Variants in LCN10 observed in about 807,000 individuals in gnomAD.
LCN10 encodes the protein epididymal-specific lipocalin-10.
LCN10 carries 18 observed loss-of-function variants against 25.1 expected under a neutral mutation model. The ratio of observed to expected loss-of-function variants is 0.72; its 90% CI spans 0.50 to 1.06. The LOEUF (loss-of-function observed/expected upper bound fraction) is 1.06. Ranked by LOEUF, LCN10 falls within the 50% of genes least tolerant of loss-of-function variation. LCN10 has a pLI of 0.00. For missense variants in LCN10, 257 were observed against 258.9 expected (o/e 0.99, Z 0.05); for synonymous variants, 130 against 116.7 (o/e 1.11, Z -0.73).
In LCN10 at chr9:136,740,251, C is replaced by T. The variant is rs989970224; in HGVS notation, c.476-203G>A. 5.0e-6 allele frequency: 3 copies of T among 595,770 alleles called. No individual in the cohort carries two copies. Among genetic ancestry groups the T allele is most frequent in the South Asian group, 3.8e-5 (2 of 53,184 alleles). The allele number at this position is 595,770 out of a possible 1,614,324, so 36.9% of individuals were successfully genotyped here. On this transcript the variant is annotated intron_variant, in intron 4 of 5. Transcript: ENST00000497771. This position sits in a 1 kb window ranked among gnomAD's most constrained non-coding sequence, Gnocchi z 5.3. ...CAGGCTCGGGAAGCCAGGGTCACCA[C>T]GCTGTCACCTGGGGAACCCTCTCTG...
chr9:136,741,374 C>G lies in LCN10; in HGVS notation c.258-13G>C. On this transcript the variant is annotated splice_polypyrimidine_tract_variant and intron_variant, in intron 2 of 5. Transcript: ENST00000497771. ...GCACCCCTTCAACCTGGGGCCAAGG[C>G]GGGGGCTCAGGCTGCAGACCAGGGA... 6.3e-7 allele frequency: 1 copy of G among 1,597,060 alleles called. No individual in the cohort carries two copies.
Position 136,739,976 on chromosome 9 carries a change from T to A in LCN10, c.548A>T (p.Lys183Met). 1 of 1,592,352 alleles carries A rather than the reference T, an allele frequency of 6.3e-7. No homozygotes were observed. The highest frequency in any genetic ancestry group is 8.6e-7 in the Non-Finnish European group (1 of 1,169,334). ...MDACDILGLS[K>M]AAVILPKDAS... ...GTCTTTCGGGAGGATGACGGCGGCCTTGGAGAGCCCCAGAATGTCACAAGC... is the reference window on the plus strand; with the variant it reads ...GTCTTTCGGGAGGATGACGGCGGCCATGGAGAGCCCCAGAATGTCACAAGC... Residue 183 changes from lysine to methionine, a missense_variant, in exon 5 of 6, where the codon AAG becomes ATG. By Grantham distance (95) the Lys-to-Met change is moderately conservative. Coordinates refer to ENST00000497771, the MANE Select transcript of LCN10 (RefSeq NM_001001712.3). The surrounding 1 kb of genome is among the most constrained non-coding windows in gnomAD (Gnocchi z 6.1).
In LCN10 at chr9:136,741,245, A is replaced by G; in HGVS notation, c.367+7T>C. On this transcript the variant is annotated splice_region_variant and intron_variant, in intron 3 of 5. Transcript: ENST00000497771. Reference sequence around the variant, plus strand: ...CAGCTCCTCCAGGGCCCAGAGCCCAAGCACACCTCCCTCCTGTCCTTCCCT... The same window carrying G: ...CAGCTCCTCCAGGGCCCAGAGCCCAGGCACACCTCCCTCCTGTCCTTCCCT... The G allele has an allele frequency of 6.2e-7, 1 of 1,612,600 alleles. No homozygotes were observed. The highest frequency in any genetic ancestry group is 2.2e-5 in the East Asian group (1 of 44,866).
chr9:136,741,487 C>T, intron 2 of LCN10, 126 bp from the exon 3 acceptor site: 1 of 692,746 alleles, frequency 1.4e-6, no homozygotes, highest in East Asian at 2.7e-5. Context: ...AGGTTGGGGC[C>T]CCAGGTCCCC....
In LCN10 at chr9:136,740,045, C is replaced by T. The variant is rs1188148545; in HGVS notation, c.479G>A (p.Arg160Lys). ...QNYKNLLLFH[R>K]QNVSSFQSLK... The stretch of plus-strand genomic sequence containing the variant: ...ACTCTGGAAGCTCGAAACATTCTGC[C>T]TATCTGAGGTTGAGATCAGGATCAC... Residue 160 changes from arginine (R) to lysine (K), a missense_variant, in exon 5 of 6, where the codon AGG becomes AAG. Arg to Lys is a conservative substitution (Grantham distance 26). Transcript: ENST00000497771. This position sits in a 1 kb window ranked among gnomAD's most constrained non-coding sequence, Gnocchi z 5.3. 1.9e-6 allele frequency: 3 copies of T among 1,564,068 alleles called. No individual in the cohort carries two copies. The highest frequency in any genetic ancestry group is 1.7e-6 in the Non-Finnish European group (2 of 1,152,514).
At position 136,740,612 on chromosome 9, in the gene LCN10, C is replaced by T. The variant is rs1846910741; in HGVS notation, c.475+224G>A. The T allele has an allele frequency of 1.8e-6, 1 of 558,180 alleles. No homozygotes were observed. The highest frequency in any genetic ancestry group is 2.9e-5 in the East Asian group (1 of 34,930). The allele number at this position is 558,180 out of a possible 1,614,324, so 34.6% of individuals were successfully genotyped here. ...GCCTCCGCTCCCCCTGGATGGCCCA[C>T]CTTTCTCTGCAGCCTCTTCCTGACG... On this transcript the variant is annotated intron_variant, in intron 4 of 5. Transcript: ENST00000497771. This position sits in a 1 kb window ranked among gnomAD's most constrained non-coding sequence, Gnocchi z 5.3.
Position 136,741,819 on chromosome 9 carries a change from C to T in LCN10, c.257+62G>A. 7 of 1,532,082 alleles carry T rather than the reference C, an allele frequency of 4.6e-6. No individual in the cohort carries two copies. In the South Asian group the frequency reaches 7.3e-5, roughly 16 times the overall value. The allele number at this position is 1,532,082 out of a possible 1,614,324, so 94.9% of individuals were successfully genotyped here. On this transcript the variant is annotated intron_variant, in intron 2 of 5. Transcript: ENST00000497771. ...GGCTCCTCCCAGACTCCTTTCCAGC[C>T]CCGAGGCAGCTCCCTCCTCCTGGAA...
chr9:136,739,111 C>T lies in LCN10; in HGVS notation c.*414G>A, dbSNP rs1846878763. 1 of 226,476 alleles carries T rather than the reference C, an allele frequency of 4.4e-6. No individual in the cohort carries two copies. Among genetic ancestry groups the T allele is most frequent in the Non-Finnish European group, 8.9e-6 (1 of 112,302 alleles). 14.0% of individuals were successfully genotyped at this position (226,476 alleles called of 1,614,324 possible). On this transcript the variant is annotated 3_prime_UTR_variant, in exon 6 of 6. Coordinates refer to ENST00000497771, the MANE Select transcript of LCN10 (RefSeq NM_001001712.3). The surrounding 1 kb of genome is among the most constrained non-coding windows in gnomAD (Gnocchi z 6.1). ...TGCCTGGCACGTCATGGGGGCTCCT[C>T]CATGTTGGGTGGATATGCGAACGGC...
rs1170356354 is a variant in LCN10, at chr9:136,740,706, C to G, written c.475+130G>C. On this transcript the variant is annotated intron_variant, in intron 4 of 5. Coordinates refer to ENST00000497771, the MANE Select transcript of LCN10 (RefSeq NM_001001712.3). The surrounding 1 kb of genome is among the most constrained non-coding windows in gnomAD (Gnocchi z 5.3). ...GGTCTCGGCTTCCATTGCCCCTGCC[C>G]TGACCACCGCCCCAACCCCCACTCT... 1.5e-6 allele frequency: 1 copy of G among 685,158 alleles called. No homozygotes were observed. The highest frequency in any genetic ancestry group is 2.6e-5 in the Admixed American group (1 of 38,338). 42.4% of individuals were successfully genotyped at this position (685,158 alleles called of 1,614,324 possible). A position where few individuals can be genotyped will look rare whatever the true frequency, so the allele number is the denominator to read the frequency against.
intron 1 of LCN10, chr9:136,742,476 C>T: frequency 2.1e-6 from 1 of 468,594 alleles, no homozygotes; most frequent in Admixed American, 3.6e-5. Flanking sequence ...CAGAATATGC[C>T]CCGCTTGCTC....
In LCN10 at chr9:136,739,800, G is replaced by T. The variant is rs959519069; in HGVS notation, c.574+150C>A. ...CCAGGCCAAGCCCCGATTCTCAGGGGCGGCAGGAGGTGGGAGGCACGTTTG... is the reference window on the plus strand; with the variant it reads ...CCAGGCCAAGCCCCGATTCTCAGGGTCGGCAGGAGGTGGGAGGCACGTTTG... On this transcript the variant is annotated intron_variant, in intron 5 of 5. Coordinates refer to ENST00000497771, the MANE Select transcript of LCN10 (RefSeq NM_001001712.3). This position sits in a 1 kb window ranked among gnomAD's most constrained non-coding sequence, Gnocchi z 6.1. 3.7e-6 allele frequency: 3 copies of T among 804,952 alleles called. No individual in the cohort carries two copies. Among genetic ancestry groups the T allele is most frequent in the African/African-American group, 3.4e-5 (2 of 58,692 alleles). The allele number at this position is 804,952 out of a possible 1,614,324, so 49.9% of individuals were successfully genotyped here. A position where few individuals can be genotyped will look rare whatever the true frequency, so the allele number is the denominator to read the frequency against.
rs752682247 is a variant in LCN10, at chr9:136,742,796, G to A, written c.108C>T (p.Asn36=). ...GTGGCACATGGCTCACCTTGTTCCAGTTGAGGGCGTGGGACTCCCTGGGGT... is the reference window on the plus strand; with the variant it reads ...GTGGCACATGGCTCACCTTGTTCCAATTGAGGGCGTGGGACTCCCTGGGGT... ...EWYPRESHAL[N]WNKFSGFWYI... The change falls in exon 1 of 6, where the codon AAC becomes AAT. Residue 36 remains asparagine, a synonymous_variant. Transcript: ENST00000497771. The A allele has an allele frequency of 6.2e-6, 10 of 1,613,414 alleles. No homozygotes were observed. Among genetic ancestry groups the A allele is most frequent in the South Asian group, 3.3e-5 (3 of 91,082 alleles).
In LCN10 at chr9:136,739,713, G is replaced by A. The variant is rs140358439; in HGVS notation, c.575-160C>T. ...CCCCCGATCCTGCAGCCACAGCCAC[G>A]GCATCGCCTGGTCGGATGCAGCATC... On this transcript the variant is annotated intron_variant, in intron 5 of 5. Transcript: ENST00000497771. The surrounding 1 kb of genome is among the most constrained non-coding windows in gnomAD (Gnocchi z 6.1). Among the ~76,000 whole-genome samples the A allele has an allele frequency of 0.012, 1,848 of 152,316 alleles. 37 individuals are homozygous for A. The highest frequency in any genetic ancestry group is 0.042 in the African/African-American group (1,742 of 41,562).
In LCN10 at chr9:136,739,611, C is replaced by T. The variant is rs188694514; in HGVS notation, c.575-58G>A. ...GGCTGCTTGGAGGAGACACATGAGCCGTGAACACGTCTCCCCCGGCCGCTC... is the reference window on the plus strand; with the variant it reads ...GGCTGCTTGGAGGAGACACATGAGCTGTGAACACGTCTCCCCCGGCCGCTC... On this transcript the variant is annotated intron_variant, in intron 5 of 5. Coordinates refer to ENST00000497771, the MANE Select transcript of LCN10 (RefSeq NM_001001712.3). The surrounding 1 kb of genome is among the most constrained non-coding windows in gnomAD (Gnocchi z 6.1). The T allele has an allele frequency of 4.4e-4, 674 of 1,518,868 alleles. 5 individuals carry two copies. The East Asian group carries it at 0.012, about 27-fold the overall frequency. 94.1% of individuals were successfully genotyped at this position (1,518,868 alleles called of 1,614,324 possible). A position where few individuals can be genotyped will look rare whatever the true frequency, so the allele number is the denominator to read the frequency against.
rs773273103 is a variant in LCN10 at position 136,739,469 on chromosome 9, C to T, written c.*56G>A. ...TCTCCACTTGACATCTGGAACAACG[C>T]TCCTCGGGTCTGGGAGGACCACGCG... On this transcript the variant is annotated 3_prime_UTR_variant, in exon 6 of 6. Coordinates refer to ENST00000497771, the MANE Select transcript of LCN10 (RefSeq NM_001001712.3). The surrounding 1 kb of genome is among the most constrained non-coding windows in gnomAD (Gnocchi z 6.1). 28 of 1,555,976 alleles carry T rather than the reference C, an allele frequency of 1.8e-5. No individual in the cohort carries two copies. The highest frequency in any genetic ancestry group is 2.4e-5 in the Non-Finnish European group (27 of 1,147,360).
In LCN10 at chr9:136,740,564, C is replaced by T. The variant is rs1846909699; in HGVS notation, c.475+272G>A. The T allele has an allele frequency of 1.9e-6, 1 of 527,578 alleles. No individual in the cohort carries two copies. Among genetic ancestry groups the T allele is most frequent in the South Asian group, 2.7e-5 (1 of 37,388 alleles). The allele number at this position is 527,578 out of a possible 1,614,324, so 32.7% of individuals were successfully genotyped here. A position where few individuals can be genotyped will look rare whatever the true frequency, so the allele number is the denominator to read the frequency against. ...GTGTCCCTCACCCAGAACGTTGCAC[C>T]TGCACCCGCCACCATCCTGGTGGCC... On this transcript the variant is annotated intron_variant, in intron 4 of 5. Transcript: ENST00000497771. This position sits in a 1 kb window ranked among gnomAD's most constrained non-coding sequence, Gnocchi z 5.3.
At position 136,739,526 on chromosome 9, in the gene LCN10, C is replaced by A; in HGVS notation, c.602G>T (p.Ter201LeuextTer41). The part of the protein sequence containing the change: ...DASRTHTILP[*>L] ...GGGAAGAGCAGAGGACGCTGGCTCT[C>A]ATGGCAGGATGGTGTGTGTACGGGA... The change falls in exon 6 of 6, where the codon TGA becomes TTA. Residue 201 changes from the stop codon to leucine, a stop_lost. Transcript: ENST00000497771. This position sits in a 1 kb window ranked among gnomAD's most constrained non-coding sequence, Gnocchi z 6.1. 1 of 1,600,486 alleles carries A rather than the reference C, an allele frequency of 6.2e-7. No individual in the cohort carries two copies. The highest frequency in any genetic ancestry group is 2.3e-5 in the East Asian group (1 of 44,322).
rs750904817 is a variant in LCN10 at position 136,739,895 on chromosome 9, C to G, written c.574+55G>C. On this transcript the variant is annotated intron_variant, in intron 5 of 5. Transcript: ENST00000497771. This position sits in a 1 kb window ranked among gnomAD's most constrained non-coding sequence, Gnocchi z 6.1. ...CTCCTTCCCCCAATGAATCAGCTCCCCAATGGGACGGGCAGGTAGGGCCAG... is the reference window on the plus strand; with the variant it reads ...CTCCTTCCCCCAATGAATCAGCTCCGCAATGGGACGGGCAGGTAGGGCCAG... 3.6e-4 allele frequency: 480 copies of G among 1,335,878 alleles called. No homozygotes were observed. Among genetic ancestry groups the G allele is most frequent in the Non-Finnish European group, 4.9e-4 (468 of 949,366 alleles). The allele number at this position is 1,335,878 out of a possible 1,614,324, so 82.8% of individuals were successfully genotyped here.
At position 136,739,821 on chromosome 9, in the gene LCN10, G is replaced by C; in HGVS notation, c.574+129C>G. 1.1e-6 allele frequency: 1 copy of C among 909,882 alleles called. No individual in the cohort carries two copies. The highest frequency in any genetic ancestry group is 1.8e-6 in the Non-Finnish European group (1 of 567,034). The allele number at this position is 909,882 out of a possible 1,614,324, so 56.4% of individuals were successfully genotyped here. On this transcript the variant is annotated intron_variant, in intron 5 of 5. Coordinates refer to ENST00000497771, the MANE Select transcript of LCN10 (RefSeq NM_001001712.3). The surrounding 1 kb of genome is among the most constrained non-coding windows in gnomAD (Gnocchi z 6.1). ...AGGGGCGGCAGGAGGTGGGAGGCAC[G>C]TTTGGGCGGATCTTTCAAATGGCAC... is the stretch of plus-strand genomic sequence containing the variant.
Sources: allele counts gnomAD v4.1 joint callset (sites outside exome capture counted in the v4.1 genomes callset), GRCh38; gene constraint gnomAD v4.1.1; non-coding constraint Gnocchi (gnomAD v3.1); transcripts MANE v1.5; gene names NCBI Gene and HGNC (gene_info 2026-07-23, HGNC 2026-07-21).